The following PAK5 variants were observed in gnomAD, a reference collection of about 807,000 sequenced individuals.
PAK5 encodes serine/threonine-protein kinase PAK 5.
PAK5 carries 16 observed loss-of-function variants against 65.9 expected under a neutral mutation model. That is an observed-to-expected ratio of 0.24 (90% CI 0.16 to 0.37). The LOEUF is 0.37. PAK5 is among the 10% of genes least tolerant of loss of function. The pLI is 1.00. For synonymous variants in PAK5, 371 were observed against 354.9 expected (o/e 1.05, Z -0.51); for missense variants, 785 against 903.9 (o/e 0.87, Z 1.69).
chr20:9,801,198 G>A (rs1368562875), intron 1 of PAK5, among the ~76,000 whole-genome samples: 5 of 152,058 alleles, frequency 3.3e-5, no homozygotes, highest in Non-Finnish European at 7.4e-5. Context: ...GGGTAATTTA[G>A]TGGGTCACTC....
intron 3 of PAK5, among the ~76,000 whole-genome samples, chr20:9,617,549 CTTTTTTTTTT>C (rs532259417): frequency 3.7e-4 from 35 of 94,614 alleles, no homozygotes; most frequent in South Asian, 2.4e-3. Flanking sequence ...AATCCCAATC[CTTTTTTTTTT>C]TTTTTTTTTT....
At chr20:9,796,211 A>C (rs1368045064) in intron 1 of PAK5, among the ~76,000 whole-genome samples, 2 of 152,152 alleles carry the variant, frequency 1.3e-5, no homozygotes, top group Non-Finnish European at 2.9e-5. Context: ...GCAAAAAAGC[A>C]AAAATGAACA....
intron 2 of PAK5, among the ~76,000 whole-genome samples, chr20:9,689,861 A>G (rs1241139711): frequency 6.6e-6 from 1 of 152,164 alleles, no homozygotes; most frequent in Admixed American, 6.5e-5. Context: ...AGATAACTGG[A>G]ACACATCTGG....
intron 3 of PAK5, among the ~76,000 whole-genome samples, chr20:9,625,752 A>T (rs2046835837): frequency 6.6e-6 from 1 of 152,052 alleles, no homozygotes; most frequent in Admixed American, 6.6e-5. Context: ...CTCTGTCTTC[A>T]TTCCTTCCCT....
intron 1 of PAK5, among the ~76,000 whole-genome samples, chr20:9,753,272 C>T (rs952026059): frequency 6.6e-6 from 1 of 152,092 alleles, no homozygotes. Context: ...AGTATGTTTA[C>T]ACTATGTAAC....
chr20:9,681,793 G>A (rs2047653441), intron 2 of PAK5, among the ~76,000 whole-genome samples: 1 of 151,990 alleles, frequency 6.6e-6, no homozygotes, highest in Admixed American at 6.6e-5. Flanking sequence ...CTGCATGTCT[G>A]TGTATCCCTC....
chr20:9,771,370 T>C (rs2048830420), intron 1 of PAK5, among the ~76,000 whole-genome samples: 2 of 152,074 alleles, frequency 1.3e-5, no homozygotes, highest in African/African-American at 2.4e-5. Context: ...CTTTCTACTA[T>C]AGCGGAGTGT....
chr20:9,733,696 C>T (rs1310611813), intron 1 of PAK5, among the ~76,000 whole-genome samples: 4 of 152,152 alleles, frequency 2.6e-5, no homozygotes, highest in Non-Finnish European at 5.9e-5. Context: ...CCACCCGCCT[C>T]ATCCTCCCAA....
intron 3 of PAK5, among the ~76,000 whole-genome samples, chr20:9,623,921 G>A (rs1254838973): frequency 6.6e-6 from 1 of 152,164 alleles, no homozygotes; most frequent in Non-Finnish European, 1.5e-5. Context: ...AGAATGTAAG[G>A]TGTGCAACCT....
At chr20:9,642,279 G>A (rs1033401933) in intron 3 of PAK5, among the ~76,000 whole-genome samples, 5 of 152,300 alleles carry the variant, frequency 3.3e-5, no homozygotes, top group South Asian at 4.1e-4. Flanking sequence ...CCAACAATGT[G>A]AAAGTGTTCC....
intron 2 of PAK5, among the ~76,000 whole-genome samples, chr20:9,685,729 T>G (rs2047710422): frequency 6.6e-6 from 1 of 152,206 alleles, no homozygotes; most frequent in Admixed American, 6.5e-5. Context: ...AATTGGGATG[T>G]TCTCAGAATT....
chr20:9,652,406 T>A (rs1191736851), intron 2 of PAK5, among the ~76,000 whole-genome samples: 1 of 152,202 alleles, frequency 6.6e-6, no homozygotes, highest in Non-Finnish European at 1.5e-5. Context: ...GATGGGTTCA[T>A]CATATAATCT....
intron 6 of PAK5, 53 bp downstream of exon 6, chr20:9,562,838 C>T (rs192550566): frequency 3.9e-6 from 6 of 1,556,046 alleles, no homozygotes; most frequent in South Asian, 1.1e-5. Context: ...GCGGCTTTAT[C>T]CTGGAGAAGA....
In PAK5 at chr20:9,566,042, G is replaced by A. The variant is rs2122994788; in HGVS notation, c.1333C>T (p.Pro445Ser). 1 of 1,613,758 alleles carries A rather than the reference G, an allele frequency of 6.2e-7. No homozygotes were observed. Among genetic ancestry groups the A allele is most frequent in the Non-Finnish European group, 8.5e-7 (1 of 1,179,954 alleles). ...ALQLVVSPGD[P>S]REYLANFIKI... ...ATAAAGTTGGCCAAGTATTCCCTGG[G>A]GTCTCCTGGGCTGACCACCAGCTGC... The change falls in exon 5 of 10, where the codon CCC (proline) becomes TCC (serine). Residue 445 changes from proline (P) to serine (S), a missense_variant. Pro to Ser is a moderately conservative substitution (Grantham distance 74). This residue lies in a region of PAK5 where 182 missense variants were observed against 273.0 expected (regional missense o/e 0.67). Coordinates refer to ENST00000353224, the MANE Select transcript of PAK5 (RefSeq NM_177990.4).
intron 6 of PAK5, among the ~76,000 whole-genome samples, chr20:9,562,185 A>C (rs1201150177): frequency 6.6e-6 from 1 of 152,190 alleles, no homozygotes; most frequent in Admixed American, 6.5e-5. Context: ...CTTCTATGCT[A>C]CATATATATA....
intron 2 of PAK5, among the ~76,000 whole-genome samples, chr20:9,690,089 T>C (rs1440473119): frequency 1.3e-5 from 2 of 152,226 alleles, no homozygotes; most frequent in Admixed American, 6.5e-5. Context: ...ATCATAAAAA[T>C]AGGAATTGAC....
At chr20:9,736,926 T>C (rs891686116) in intron 1 of PAK5, among the ~76,000 whole-genome samples, 1 of 151,840 alleles carries the variant, frequency 6.6e-6, no homozygotes, top group Non-Finnish European at 1.5e-5. Flanking sequence ...GGAAAATATA[T>C]GAACAGAGAA....
intron 1 of PAK5, among the ~76,000 whole-genome samples, chr20:9,746,736 G>A (rs970039621): frequency 9.2e-5 from 14 of 152,012 alleles, no homozygotes; most frequent in Non-Finnish European, 1.9e-4. Context: ...CACAGGAACC[G>A]CACAGACATT....
In PAK5 at chr20:9,539,026, C is replaced by T. The variant is rs892292230; in HGVS notation, c.*436G>A. The T allele has an allele frequency of 7.3e-5, 17 of 233,158 alleles. No homozygotes were observed. Among genetic ancestry groups the T allele is most frequent in the African/African-American group, 2.4e-4 (11 of 45,180 alleles). 14.4% of individuals were successfully genotyped at this position (233,158 alleles called of 1,614,324 possible). A position where few individuals can be genotyped will look rare whatever the true frequency, so the allele number is the denominator to read the frequency against. On this transcript the variant is annotated 3_prime_UTR_variant, in exon 10 of 10. Coordinates refer to ENST00000353224, the MANE Select transcript of PAK5 (RefSeq NM_177990.4). ...CTATCGTACAGAAAAATTACAAATT[C>T]GTTGCAAAATACATTATACTGCTAC...
Sources: allele counts gnomAD v4.1 joint callset (sites outside exome capture counted in the v4.1 genomes callset), GRCh38; gene constraint gnomAD v4.1.1; regional missense constraint gnomAD v4.1.1; transcripts MANE v1.5; gene names NCBI Gene and HGNC (gene_info 2026-07-23, HGNC 2026-07-21).